Variants in CMKLR2 observed in about 807,000 individuals in gnomAD.
CMKLR2 encodes the protein chemerin chemokine-like receptor 2, also known as chemerin-like receptor 2.
In CMKLR2, 18 loss-of-function variants were observed where a neutral mutation model predicts 23.0. The ratio of observed to expected loss-of-function variants is 0.78; its 90% CI spans 0.54 to 1.16. The LOEUF is 1.16. Ranked by LOEUF, CMKLR2 falls within the 50% of genes most tolerant of loss-of-function variation. The probability of loss-of-function intolerance (pLI) is 0.00; values close to 1 mark genes in which losing one functional copy is unlikely to be tolerated. For missense variants in CMKLR2, 401 were observed against 412.7 expected, an observed-to-expected ratio of 0.97 and a Z score of 0.25; for synonymous variants, 158 against 158.9, an observed-to-expected ratio of 0.99 and a Z score of 0.05.
Position 206,176,155 on chromosome 2 carries a change from T to C in CMKLR2, c.*25A>G, listed in dbSNP as rs755891403. The C allele has an allele frequency of 1.3e-6, 2 of 1,530,884 alleles. No individual in the cohort carries two copies. The highest frequency in any genetic ancestry group is 1.8e-6 in the Non-Finnish European group (2 of 1,124,630). 94.8% of individuals were successfully genotyped at this position (1,530,884 alleles called of 1,614,324 possible). On this transcript the variant is annotated 3_prime_UTR_variant, in exon 2 of 2. Transcript: ENST00000621141. ...CAGAGGACCCACATAAAAAGCCATA[T>C]ACTGATTTGTGGAAAAGTAATAACT...
chr2:206,201,956 T>C lies in CMKLR2; in HGVS notation c.-29+11351A>G, dbSNP rs1689111115. ...AGGGCTGGCATTTGGAAGAGGGAAC[T>C]ATTCAAACTGGCTTCAAAAAATTGA... On this transcript the variant is annotated intron_variant, in intron 1 of 1. Coordinates refer to ENST00000621141, the MANE Select transcript of CMKLR2 (RefSeq NM_001389445.1). Among the ~76,000 whole-genome samples, 2 of 152,182 alleles carry C rather than the reference T, an allele frequency of 1.3e-5. 1 individual carries two copies. The highest frequency in any genetic ancestry group is 4.1e-4 in the South Asian group (2 of 4,828).
upstream of CMKLR2, among the ~76,000 whole-genome samples, chr2:206,214,284 G>A (rs1356290773): frequency 6.7e-6 from 1 of 148,346 alleles, no homozygotes; most frequent in Admixed American, 7.0e-5. Context: ...GAATTATCCT[G>A]CGTCAGCCTC....
chr2:206,179,012 A>C (rs1475767257), intron 1 of CMKLR2, among the ~76,000 whole-genome samples: 1 of 131,172 alleles, frequency 7.6e-6, no homozygotes, highest in Non-Finnish European at 1.6e-5. Flanking sequence ...GTCTCTTATA[A>C]TTTCTACCAA....
At position 206,189,506 on chromosome 2, in the gene CMKLR2, G is replaced by A. The variant is rs182865424; in HGVS notation, c.-28-12231C>T. 2.8e-3 allele frequency among the ~76,000 whole-genome samples: 422 copies of A among 152,170 alleles called. 4 individuals carry two copies. Among genetic ancestry groups the A allele is most frequent in the African/African-American group, 9.6e-3 (400 of 41,520 alleles). On this transcript the variant is annotated intron_variant, in intron 1 of 1. Coordinates refer to ENST00000621141, the MANE Select transcript of CMKLR2 (RefSeq NM_001389445.1). ...AAAAATTAGGTGGGTGTGGTTGTGC[G>A]TGCCTGTAGTCCCAGCTACTCAGGA...
intron 1 of CMKLR2, among the ~76,000 whole-genome samples, chr2:206,191,166 T>C (rs936682175): frequency 6.6e-6 from 1 of 152,230 alleles, no homozygotes; most frequent in African/African-American, 2.4e-5. Flanking sequence ...TGTGGGATCA[T>C]GGACAAATTA....
intron 1 of CMKLR2, among the ~76,000 whole-genome samples, chr2:206,187,020 C>A (rs967504782): frequency 6.6e-6 from 1 of 151,942 alleles, no homozygotes; most frequent in African/African-American, 2.4e-5. Context: ...AAGACCCTGC[C>A]TCTATGAAAA....
chr2:206,214,799 T>TG (rs1689698718), upstream of CMKLR2, among the ~76,000 whole-genome samples: 1 of 151,532 alleles, frequency 6.6e-6, no homozygotes, highest in Admixed American at 6.6e-5. Context: ...AATTTTTTTT[T>TG]GTATTTTAGT....
chr2:206,177,130 C>T lies in CMKLR2; in HGVS notation c.118G>A (p.Val40Ile), dbSNP rs1474069293. The T allele has an allele frequency of 6.2e-7, 1 of 1,613,866 alleles. No individual in the cohort carries two copies. The highest frequency in any genetic ancestry group is 2.2e-5 in the East Asian group (1 of 44,896). ...EKVQLGVVHWVSLVLYCLAFV... is the reference protein window; with the variant it reads ...EKVQLGVVHWISLVLYCLAFV... The stretch of plus-strand genomic sequence containing the variant: ...GCCAAACAATATAACACCAGGGAGA[C>T]CCAGTGAACAACTCCCAGCTGGACT... Residue 40 changes from valine (V) to isoleucine (I), a missense_variant, in exon 2 of 2, where the codon GTC (valine) becomes ATC (isoleucine). Coordinates refer to ENST00000621141, the MANE Select transcript of CMKLR2 (RefSeq NM_001389445.1).
At chr2:206,212,587 C>G (rs1559101829) in intron 1 of CMKLR2, among the ~76,000 whole-genome samples, 1 of 152,198 alleles carries the variant, frequency 6.6e-6, no homozygotes, top group Non-Finnish European at 1.5e-5. Flanking sequence ...TTGGTGCTCA[C>G]AGTTTCTGAC....
intron 1 of CMKLR2, among the ~76,000 whole-genome samples, chr2:206,197,493 C>G (rs1412808968): frequency 1.3e-5 from 2 of 152,060 alleles, no homozygotes; most frequent in East Asian, 3.9e-4. Context: ...AAATTTTAAC[C>G]CAGTATCTTG....
chr2:206,207,813 GC>G (rs1202539127), intron 1 of CMKLR2, among the ~76,000 whole-genome samples: 1 of 138,982 alleles, frequency 7.2e-6, no homozygotes, highest in Non-Finnish European at 1.5e-5. Context: ...CGTGTTCTCG[GC>G]TCACCGCAAC....
Position 206,186,839 on chromosome 2 carries a change from G to A in CMKLR2, c.-28-9564C>T, listed in dbSNP as rs1688595669. The stretch of plus-strand genomic sequence containing the variant: ...GGGGTTTTGCTCTGTCACCCAGGCT[G>A]GAGAGCAGTGGCAGAATCATAGCTC... On this transcript the variant is annotated intron_variant, in intron 1 of 1. Coordinates refer to ENST00000621141, the MANE Select transcript of CMKLR2 (RefSeq NM_001389445.1). 3.3e-5 allele frequency among the ~76,000 whole-genome samples: 5 copies of A among 150,058 alleles called. 1 individual carries two copies. The South Asian group carries it at 1.1e-3, about 32-fold the overall frequency.
intron 1 of CMKLR2, among the ~76,000 whole-genome samples, chr2:206,186,313 G>A (rs1055925167): frequency 5.3e-5 from 8 of 152,140 alleles, no homozygotes; most frequent in African/African-American, 1.9e-4. Flanking sequence ...AGGTTTCACC[G>A]TGTTAGCCAG....
chr2:206,182,814 T>G (rs190492405), intron 1 of CMKLR2, among the ~76,000 whole-genome samples: 15 of 152,232 alleles, frequency 9.9e-5, no homozygotes, highest in African/African-American at 3.4e-4. Flanking sequence ...GAAACAAGGT[T>G]TCACCTTCTT....
At chr2:206,205,368 CTTTA>C (rs1163206619) in intron 1 of CMKLR2, among the ~76,000 whole-genome samples, 2 of 151,996 alleles carry the variant, frequency 1.3e-5, no homozygotes, top group Admixed American at 6.6e-5. Flanking sequence ...CGAAATACGA[CTTTA>C]TTTCTTTCTT....
chr2:206,207,819 C>T (rs192136485), intron 1 of CMKLR2, among the ~76,000 whole-genome samples: 52 of 140,628 alleles, frequency 3.7e-4, no homozygotes, highest in African/African-American at 1.3e-3. Context: ...CTCGGCTCAC[C>T]GCAACCTCTG....
intron 1 of CMKLR2, among the ~76,000 whole-genome samples, chr2:206,195,065 C>T (rs1688878872): frequency 6.6e-6 from 1 of 152,090 alleles, no homozygotes; most frequent in Non-Finnish European, 1.5e-5. Flanking sequence ...GCATCATAGA[C>T]ATTTTAAATT....
chr2:206,181,781 T>C (rs1576036929), intron 1 of CMKLR2, among the ~76,000 whole-genome samples: 1 of 151,916 alleles, frequency 6.6e-6, no homozygotes, highest in African/African-American at 2.4e-5. Context: ...GGTGAAACCC[T>C]GTCTCTACTA....
In CMKLR2 at chr2:206,179,055, C is replaced by CTTTTTTT. The variant is rs71034421; in HGVS notation, c.-28-1787_-28-1781dup. 6.1e-5 allele frequency among the ~76,000 whole-genome samples: 3 copies of CTTTTTTT among 49,354 alleles called. 1 individual carries two copies. Among genetic ancestry groups the CTTTTTTT allele is most frequent in the Non-Finnish European group, 1.1e-4 (3 of 27,016 alleles). 32.4% of individuals were successfully genotyped at this position (49,354 alleles called of 152,430 possible). A position where few individuals can be genotyped will look rare whatever the true frequency, so the allele number is the denominator to read the frequency against. On this transcript the variant is annotated intron_variant, in intron 1 of 1. Transcript: ENST00000621141. ...TTTATTTTGTGCCCGCTCCCTGTCC[C>CTTTTTTT]TTTTTTTTTTTTTTTTTTTTTTTTT...
Sources: allele counts gnomAD v4.1 joint callset (sites outside exome capture counted in the v4.1 genomes callset), GRCh38; gene constraint gnomAD v4.1.1; transcripts MANE v1.5; gene names NCBI Gene and HGNC (gene_info 2026-07-23, HGNC 2026-07-21).